The following SCHIP1 variants were observed in gnomAD, a reference collection of about 807,000 sequenced individuals.
The protein encoded by SCHIP1 is schwannomin interacting protein 1, also known as schwannomin-interacting protein 1.
Under a neutral mutation model 29.7 loss-of-function variants are expected in SCHIP1, and 8 were observed. That is an observed-to-expected ratio of 0.27 (90% confidence interval 0.16 to 0.49). The LOEUF (loss-of-function observed/expected upper bound fraction) is 0.49, where lower values mean the gene tolerates loss of function less well. SCHIP1 is among the 20% of genes least tolerant of loss of function. The pLI is 0.99. For missense variants in SCHIP1, 193 were observed against 294.6 expected (o/e 0.66, Z 2.52); for synonymous variants, 76 against 94.9 (o/e 0.80, Z 1.16).
chr3:159,391,443 T>TATG, the SCHIP1 span, among the ~76,000 whole-genome samples: 5 of 152,086 alleles, frequency 3.3e-5, no homozygotes, highest in East Asian at 5.8e-4. Context: ...GGGCTAAAAA[T>TATG]ATGATATATT....
chr3:159,517,309 CA>C, the SCHIP1 span, among the ~76,000 whole-genome samples: 1 of 152,116 alleles, frequency 6.6e-6, no homozygotes, highest in Non-Finnish European at 1.5e-5. Context: ...GCTGAGTTGG[CA>C]GTTTTTTCTT....
the SCHIP1 span, among the ~76,000 whole-genome samples, chr3:159,341,268 A>G: frequency 6.6e-6 from 1 of 151,614 alleles, no homozygotes; most frequent in Non-Finnish European, 1.5e-5. Flanking sequence ...AATGTCCTGG[A>G]AGGGTTTCTC....
chr3:159,394,369 G>A, the SCHIP1 span, among the ~76,000 whole-genome samples: 7 of 152,188 alleles, frequency 4.6e-5, no homozygotes, highest in East Asian at 1.3e-3. Context: ...GGAGTGGTGA[G>A]AGAGGGCATC....
chr3:159,370,211 C>T, the SCHIP1 span, among the ~76,000 whole-genome samples: 1 of 152,128 alleles, frequency 6.6e-6, no homozygotes, highest in African/African-American at 2.4e-5. Flanking sequence ...TCTGGCTTCC[C>T]ATTTCTCCTC....
chr3:159,613,346 G>C, the SCHIP1 span, among the ~76,000 whole-genome samples: 5 of 152,064 alleles, frequency 3.3e-5, no homozygotes, highest in Non-Finnish European at 7.4e-5. Context: ...ACTTCATTCA[G>C]AGCAATCATA....
At chr3:159,496,973 G>A in the SCHIP1 span, among the ~76,000 whole-genome samples, 3 of 152,128 alleles carry the variant, frequency 2.0e-5, no homozygotes, top group Non-Finnish European at 4.4e-5. Context: ...GATGACGCTG[G>A]AAACCATCAT....
the SCHIP1 span, among the ~76,000 whole-genome samples, chr3:159,771,822 T>C: frequency 6.6e-6 from 1 of 152,192 alleles, no homozygotes; most frequent in African/African-American, 2.4e-5. Context: ...GATGGAGCAT[T>C]GTATTTTAGA....
chr3:159,730,657 G>A, the SCHIP1 span, among the ~76,000 whole-genome samples: 1 of 151,946 alleles, frequency 6.6e-6, no homozygotes, highest in Non-Finnish European at 1.5e-5. Context: ...ATATTCCTTT[G>A]ACCTCTTCCC....
chr3:159,387,905 G>A, the SCHIP1 span, among the ~76,000 whole-genome samples: 1 of 152,072 alleles, frequency 6.6e-6, no homozygotes, highest in South Asian at 2.1e-4. Flanking sequence ...TAAAGGGAGT[G>A]GACAGAAAAT....
chr3:159,567,443 G>A, the SCHIP1 span, among the ~76,000 whole-genome samples: 1 of 152,020 alleles, frequency 6.6e-6, no homozygotes, highest in South Asian at 2.1e-4. Context: ...TCTCCTGATG[G>A]CCTAACATTT....
the SCHIP1 span, among the ~76,000 whole-genome samples, chr3:159,378,574 G>T: frequency 2.0e-5 from 3 of 152,126 alleles, no homozygotes; most frequent in African/African-American, 7.2e-5. Context: ...TTGCTTAATT[G>T]GTGTCAAGCT....
the SCHIP1 span, among the ~76,000 whole-genome samples, chr3:159,658,190 GA>G: frequency 6.6e-6 from 1 of 152,116 alleles, no homozygotes; most frequent in Admixed American, 6.5e-5. Flanking sequence ...CAGAAGAACT[GA>G]TGTTCTTCCC....
the SCHIP1 span, among the ~76,000 whole-genome samples, chr3:159,798,534 G>A: frequency 1.3e-5 from 2 of 151,968 alleles, no homozygotes; most frequent in Admixed American, 1.3e-4. Context: ...GAAGCGGGGG[G>A]ATCACTTGAG....
chr3:159,588,508 C>T, the SCHIP1 span, among the ~76,000 whole-genome samples: 3 of 152,168 alleles, frequency 2.0e-5, no homozygotes, highest in East Asian at 5.8e-4. Flanking sequence ...GTTGCCATTG[C>T]TTTTGCTGTT....
the SCHIP1 span, among the ~76,000 whole-genome samples, chr3:159,525,801 C>T: frequency 6.6e-6 from 1 of 152,184 alleles, no homozygotes; most frequent in Non-Finnish European, 1.5e-5. Flanking sequence ...GGAGGCAGAA[C>T]AATTGGACAG....
At chr3:159,371,514 A>G in the SCHIP1 span, among the ~76,000 whole-genome samples, 1 of 152,204 alleles carries the variant, frequency 6.6e-6, no homozygotes, top group African/African-American at 2.4e-5. Flanking sequence ...GGGGTCATGT[A>G]TAAGGGCATT....
the SCHIP1 span, among the ~76,000 whole-genome samples, chr3:159,508,297 G>A: frequency 2.0e-5 from 3 of 152,112 alleles, no homozygotes; most frequent in East Asian, 5.8e-4. Context: ...GTATTTCTGT[G>A]GGATCAGTGG....
chr3:159,321,667 A>T, the SCHIP1 span, among the ~76,000 whole-genome samples: 2 of 152,252 alleles, frequency 1.3e-5, no homozygotes, highest in East Asian at 3.9e-4. Flanking sequence ...ACTCTACCTA[A>T]TGCTAAATGA....
exon 3 of SCHIP1, chr3:159,886,226 T>C (rs1716950261): frequency 6.2e-7 from 1 of 1,614,082 alleles, no homozygotes; most frequent in Admixed American, 1.7e-5. Flanking sequence ...TGGGATGAAC[T>C]TGCAGATATG....
Sources: allele counts gnomAD v4.1 joint callset (sites outside exome capture counted in the v4.1 genomes callset), GRCh38; gene constraint gnomAD v4.1.1; transcripts MANE v1.5; gene names NCBI Gene and HGNC (gene_info 2026-07-23, HGNC 2026-07-21).